Variants in ZNF236 observed in about 807,000 individuals in gnomAD.
ZNF236 encodes zinc finger protein 236.
In ZNF236, 50 loss-of-function variants were observed where a neutral mutation model predicts 191.2. The observed-to-expected ratio is 0.26, with a 90% confidence interval of 0.21 to 0.33. ZNF236 has a LOEUF of 0.33. Ranked by LOEUF, ZNF236 falls within the 10% of genes least tolerant of loss-of-function variation. The pLI is 1.00. For missense variants in ZNF236, 1,754 were observed against 2,374.5 expected (o/e 0.74, Z 5.43); for synonymous variants, 907 against 928.8 (o/e 0.98, Z 0.43).
chr18:76,923,240 A>G, intron 21 of ZNF236, 66 bp downstream of exon 21: 2 of 1,150,722 alleles, frequency 1.7e-6, no homozygotes, highest in Middle Eastern at 1.9e-4. Context: ...TTTTGTTCCT[A>G]TATATTTTGT....
At position 76,913,271 on chromosome 18, in the gene ZNF236, A is replaced by AT. The variant is rs1967265844; in HGVS notation, c.2910-476_2910-475insT. Among the ~76,000 whole-genome samples the AT allele has an allele frequency of 5.9e-5, 9 of 152,318 alleles. No individual in the cohort carries two copies. In the South Asian group the frequency reaches 1.9e-3, roughly 32 times the overall value. ...GCATATTTATATATTATTCAGCATA[A>AT]CTCCAGTATACTCTGTTTTGTATTT... On this transcript the variant is annotated intron_variant, in intron 17 of 30. Coordinates refer to ENST00000320610, the MANE Select transcript of ZNF236 (RefSeq NM_001306089.2).
At chr18:76,833,148 T>C (rs1287667460) in intron 1 of ZNF236, among the ~76,000 whole-genome samples, 2 of 152,218 alleles carry the variant, frequency 1.3e-5, no homozygotes, top group African/African-American at 4.8e-5. Flanking sequence ...TATTTGTAAA[T>C]ATCAACAGGT....
chr18:76,865,904 C>T (rs1190493658), intron 3 of ZNF236, among the ~76,000 whole-genome samples: 1 of 152,060 alleles, frequency 6.6e-6, no homozygotes, highest in African/African-American at 2.4e-5. Context: ...TAAGGTGTTC[C>T]GTTTTTAAGT....
At chr18:76,827,571 T>C (rs568710649) in intron 1 of ZNF236, among the ~76,000 whole-genome samples, 2 of 152,344 alleles carry the variant, frequency 1.3e-5, no homozygotes, top group East Asian at 3.9e-4. Flanking sequence ...ACATGATCTC[T>C]AGGTATCCTT....
Position 76,919,624 on chromosome 18 carries a change from G to T in ZNF236, c.3275-152G>T. 1 of 956,478 alleles carries T rather than the reference G, an allele frequency of 1.0e-6. No homozygotes were observed. Among genetic ancestry groups the T allele is most frequent in the Admixed American group, 2.8e-5 (1 of 35,620 alleles). The allele number at this position is 956,478 out of a possible 1,614,324, so 59.2% of individuals were successfully genotyped here. The stretch of plus-strand genomic sequence containing the variant: ...ATGACCTAAGTTTCTCAATAGAGGT[G>T]GGAAAATATAGCAACTCTCTACCAT... On this transcript the variant is annotated intron_variant, in intron 19 of 30. Transcript: ENST00000320610. This position sits in a 1 kb window ranked among gnomAD's most constrained non-coding sequence, Gnocchi z 5.3.
chr18:76,961,513 G>GT (rs1353594871), intron 30 of ZNF236, among the ~76,000 whole-genome samples: 2 of 151,994 alleles, frequency 1.3e-5, no homozygotes, highest in African/African-American at 2.4e-5. Context: ...ATAAACATGC[G>GT]TGTGCAAGTG....
At chr18:76,889,328 T>C (rs1369609508) in intron 9 of ZNF236, among the ~76,000 whole-genome samples, 2 of 152,226 alleles carry the variant, frequency 1.3e-5, no homozygotes, top group Admixed American at 6.5e-5. Context: ...GCACCTCTGA[T>C]GCTCTGCCAT....
intron 5 of ZNF236, among the ~76,000 whole-genome samples, chr18:76,874,472 C>G (rs1035346135): frequency 5.3e-5 from 8 of 151,996 alleles, no homozygotes; most frequent in African/African-American, 1.9e-4. Context: ...GGGCCCTGTT[C>G]TAGGTGCTGA....
At chr18:76,854,520 T>C (rs1250336062) in intron 3 of ZNF236, among the ~76,000 whole-genome samples, 1 of 151,514 alleles carries the variant, frequency 6.6e-6, no homozygotes, top group Non-Finnish European at 1.5e-5. Context: ...CCGAGCACTT[T>C]GGGAGACCGA....
chr18:76,910,916 T>C (rs771504636), intron 16 of ZNF236, 105 bp downstream of exon 16: 15 of 1,278,608 alleles, frequency 1.2e-5, no homozygotes, highest in Non-Finnish European at 1.1e-6. Context: ...TTAAGAGGCA[T>C]GCTCACTTCT....
chr18:76,853,390 T>A (rs1452144210), intron 3 of ZNF236, among the ~76,000 whole-genome samples: 2 of 152,196 alleles, frequency 1.3e-5, no homozygotes, highest in Non-Finnish European at 2.9e-5. Flanking sequence ...GACTTCATAT[T>A]TTCTACGTGA....
At chr18:76,885,704 A>G (rs185091541) in intron 9 of ZNF236, 3 of 162,792 alleles carry the variant, frequency 1.8e-5, no homozygotes, top group Non-Finnish European at 2.7e-5. Context: ...AATCTGCTTG[A>G]TAAAAGGAAT....
At position 76,970,051 on chromosome 18, in the gene ZNF236, A is replaced by G. The variant is rs1473907761; in HGVS notation, c.*1712A>G. 6.5e-6 allele frequency: 1 copy of G among 152,676 alleles called. No individual in the cohort carries two copies. Among genetic ancestry groups the G allele is most frequent in the Non-Finnish European group, 1.5e-5 (1 of 68,044 alleles). The allele number at this position is 152,676 out of a possible 1,614,324, so 9.5% of individuals were successfully genotyped here. A position where few individuals can be genotyped will look rare whatever the true frequency, so the allele number is the denominator to read the frequency against. Reference sequence around the variant, plus strand: ...AGTGTGTAAACCTGGCTGTAGCCGCATATGCAGAATAACTGTAATTGTGCT... The same window carrying G: ...AGTGTGTAAACCTGGCTGTAGCCGCGTATGCAGAATAACTGTAATTGTGCT... On this transcript the variant is annotated 3_prime_UTR_variant, in exon 31 of 31. Coordinates refer to ENST00000320610, the MANE Select transcript of ZNF236 (RefSeq NM_001306089.2).
rs936028868 is a variant in ZNF236 at position 76,919,055 on chromosome 18, T to A, written c.3275-721T>A. ...GCTGTTTGCTAATTTATTAATTTGG[T>A]CTCCCATTTTTGGGCTTCTGGTTTT... On this transcript the variant is annotated intron_variant, in intron 19 of 30. Coordinates refer to ENST00000320610, the MANE Select transcript of ZNF236 (RefSeq NM_001306089.2). The surrounding 1 kb of genome is among the most constrained non-coding windows in gnomAD (Gnocchi z 5.3). Among the ~76,000 whole-genome samples the A allele has an allele frequency of 1.3e-5, 2 of 152,202 alleles. 1 individual carries two copies. The highest frequency in any genetic ancestry group is 4.1e-4 in the South Asian group (2 of 4,834).
Position 76,851,925 on chromosome 18 carries a change from C to A in ZNF236, c.349C>A (p.His117Asn). 6.2e-7 allele frequency: 1 copy of A among 1,609,172 alleles called. No homozygotes were observed. Residue 117 changes from histidine (H) to asparagine (N), a missense_variant, in exon 3 of 31, where the codon CAT (histidine) becomes AAT (asparagine). Physicochemically the swap from His to Asn is moderately conservative, Grantham distance 68. Coordinates refer to ENST00000320610, the MANE Select transcript of ZNF236 (RefSeq NM_001306089.2). ...VASLKAHIML[H>N]EKEENLICSE... Reference sequence around the variant, plus strand: ...TAGTCTCAAAGCGCATATTATGCTACATGAAAAGGAAGAGGTAATCATCAT... The same window carrying A: ...TAGTCTCAAAGCGCATATTATGCTAAATGAAAAGGAAGAGGTAATCATCAT...
At chr18:76,828,226 G>T (rs1381301503) in intron 1 of ZNF236, among the ~76,000 whole-genome samples, 1 of 151,898 alleles carries the variant, frequency 6.6e-6, no homozygotes, top group African/African-American at 2.4e-5. Flanking sequence ...GAGTGCAGTG[G>T]CATGATCTTG....
intron 1 of ZNF236, among the ~76,000 whole-genome samples, chr18:76,836,682 A>T (rs1361422379): frequency 6.6e-6 from 1 of 151,576 alleles, no homozygotes; most frequent in Non-Finnish European, 1.5e-5. Flanking sequence ...GGTTCATGCC[A>T]TTCTCCTGCC....
intron 9 of ZNF236, among the ~76,000 whole-genome samples, chr18:76,889,658 G>C (rs750392173): frequency 3.3e-5 from 5 of 152,324 alleles, no homozygotes; most frequent in Non-Finnish European, 7.4e-5. Context: ...GGATAGCATG[G>C]TGGTAGCTGA....
At chr18:76,906,418 C>T (rs1977741366) in intron 13 of ZNF236, among the ~76,000 whole-genome samples, 1 of 152,122 alleles carries the variant, frequency 6.6e-6, no homozygotes. Context: ...TGTTTGGGAA[C>T]TGGGGAACTC....
Sources: allele counts gnomAD v4.1 joint callset (sites outside exome capture counted in the v4.1 genomes callset), GRCh38; gene constraint gnomAD v4.1.1; non-coding constraint Gnocchi (gnomAD v3.1); transcripts MANE v1.5; gene names NCBI Gene and HGNC (gene_info 2026-07-23, HGNC 2026-07-21).